EFCAB5: variants seen among roughly 807,000 people sequenced by gnomAD.
EFCAB5 encodes the protein EF-hand calcium-binding domain-containing protein 5.
A neutral mutation model predicts 167.9 loss-of-function variants in EFCAB5; 131 were observed. The observed-to-expected ratio is 0.78, with a 90% CI of 0.68 to 0.90. The LOEUF (loss-of-function observed/expected upper bound fraction) is 0.90. Among genes scored for constraint, EFCAB5 ranks in the 40% least tolerant of loss-of-function variants. The pLI is 0.00. For synonymous variants in EFCAB5, 574 were observed against 602.8 expected (o/e 0.95, Z 0.70); for missense variants, 1,663 against 1,745.2 (o/e 0.95, Z 0.84).
intron 8 of EFCAB5, among the ~76,000 whole-genome samples, chr17:30,039,229 C>A (rs746304007): frequency 2.6e-5 from 4 of 152,134 alleles, no homozygotes; most frequent in African/African-American, 9.7e-5. Context: ...TGCTAACCAC[C>A]AAGTACGGTG....
intron 17 of EFCAB5, among the ~76,000 whole-genome samples, chr17:30,082,617 C>T (rs2071011084): frequency 2.6e-5 from 4 of 152,070 alleles, no homozygotes; most frequent in Non-Finnish European, 4.4e-5. Context: ...TCTCAGACTC[C>T]TGACCTCAAG....
chr17:30,082,033 C>T (rs1215252111), intron 17 of EFCAB5, among the ~76,000 whole-genome samples: 1 of 152,184 alleles, frequency 6.6e-6, no homozygotes, highest in Non-Finnish European at 1.5e-5. Flanking sequence ...AACAGGCCCA[C>T]ATATGGGTTC....
At chr17:30,039,779 A>G (rs1360440851) in intron 8 of EFCAB5, among the ~76,000 whole-genome samples, 4 of 152,334 alleles carry the variant, frequency 2.6e-5, no homozygotes, top group Non-Finnish European at 5.9e-5. Flanking sequence ...ACCCCACTTT[A>G]GAGCGTTTCT....
chr17:30,098,123 TG>T (rs567961993), intron 22 of EFCAB5, among the ~76,000 whole-genome samples: 1 of 151,802 alleles, frequency 6.6e-6, no homozygotes, highest in African/African-American at 2.4e-5. Flanking sequence ...TTTGTAGAGG[TG>T]GGGGTCTCAC....
chr17:30,001,061 TGGA>T (rs2068651562), intron 7 of EFCAB5, among the ~76,000 whole-genome samples: 1 of 152,346 alleles, frequency 6.6e-6, no homozygotes, highest in South Asian at 2.1e-4. Flanking sequence ...CTTGCATTTC[TGGA>T]AACTCCAGTA....
intron 4 of EFCAB5, among the ~76,000 whole-genome samples, chr17:29,990,708 A>G (rs567153626): frequency 6.6e-6 from 1 of 152,192 alleles, no homozygotes; most frequent in Non-Finnish European, 1.5e-5. Flanking sequence ...GCTCAAATGT[A>G]GCTATAATAT....
intron 4 of EFCAB5, among the ~76,000 whole-genome samples, chr17:29,977,294 A>T (rs1044241045): frequency 6.6e-6 from 1 of 152,186 alleles, no homozygotes; most frequent in Non-Finnish European, 1.5e-5. Context: ...ATATGTTAAA[A>T]TTCATAAAAC....
chr17:30,021,798 G>T (rs1335160991), intron 7 of EFCAB5, among the ~76,000 whole-genome samples: 3 of 152,100 alleles, frequency 2.0e-5, no homozygotes, highest in Non-Finnish European at 4.4e-5. Context: ...CAAAGAGATT[G>T]CTTTAAAGCT....
intron 22 of EFCAB5, among the ~76,000 whole-genome samples, chr17:30,099,198 A>C (rs1484624398): frequency 6.6e-6 from 1 of 152,210 alleles, no homozygotes; most frequent in Admixed American, 6.5e-5. Flanking sequence ...TCTATGTTTA[A>C]CTTTTTTTGG....
chr17:30,019,673 T>A (rs778985667), intron 7 of EFCAB5, among the ~76,000 whole-genome samples: 8 of 152,198 alleles, frequency 5.3e-5, no homozygotes, highest in Admixed American at 2.6e-4. Context: ...CTTGAACTCC[T>A]GACCTCAGGT....
intron 6 of EFCAB5, among the ~76,000 whole-genome samples, chr17:29,996,937 A>G (rs1257012389): frequency 4.6e-5 from 7 of 151,916 alleles, no homozygotes; most frequent in African/African-American, 9.7e-5. Flanking sequence ...CTGTTACTAT[A>G]TATACTAGGA....
chr17:29,990,582 T>C (rs1406541575), intron 4 of EFCAB5, among the ~76,000 whole-genome samples: 3 of 152,200 alleles, frequency 2.0e-5, no homozygotes, highest in African/African-American at 7.2e-5. Flanking sequence ...TCATCCCCAC[T>C]GGCAACAAAT....
At chr17:30,001,531 G>A (rs2068660990) in intron 7 of EFCAB5, among the ~76,000 whole-genome samples, 2 of 152,244 alleles carry the variant, frequency 1.3e-5, no homozygotes, top group Admixed American at 6.5e-5. Flanking sequence ...AATGACTAGG[G>A]AGGCTGAGGC....
chr17:29,986,734 C>T (rs1276618414), intron 4 of EFCAB5, among the ~76,000 whole-genome samples: 2 of 148,758 alleles, frequency 1.3e-5, no homozygotes, highest in African/African-American at 5.0e-5. Flanking sequence ...GCAGGCTCCG[C>T]CCCCTGGGGT....
At chr17:30,063,566 A>G (rs541987220) in intron 14 of EFCAB5, among the ~76,000 whole-genome samples, 2 of 152,184 alleles carry the variant, frequency 1.3e-5, no homozygotes, top group Admixed American at 6.5e-5. Context: ...TCCTGTCTCT[A>G]TGGGCAACCT....
chr17:30,054,061 T>G lies in EFCAB5; in HGVS notation c.2107T>G (p.Trp703Gly). 6.3e-7 allele frequency: 1 copy of G among 1,598,758 alleles called. No homozygotes were observed. Among genetic ancestry groups the G allele is most frequent in the Non-Finnish European group, 8.5e-7 (1 of 1,171,766 alleles). Residue 703 changes from tryptophan to glycine, a missense_variant, in exon 10 of 23, where the codon TGG becomes GGG. Physicochemically the swap from Trp to Gly is radical, Grantham distance 184. Transcript: ENST00000394835. Reference sequence around the variant, plus strand: ...AGTCCCTCTACAGGAAAAGAGGTCTTGGGAACAAACATATGAAGAGGAAAT... The same window carrying G: ...AGTCCCTCTACAGGAAAAGAGGTCTGGGGAACAAACATATGAAGAGGAAAT... ...IEVPLQEKRSWEQTYEEEIFL... is the reference protein window; with the variant it reads ...IEVPLQEKRSGEQTYEEEIFL...
At chr17:29,959,566 G>A (rs1469157941) in intron 3 of EFCAB5, among the ~76,000 whole-genome samples, 2 of 151,876 alleles carry the variant, frequency 1.3e-5, no homozygotes, top group African/African-American at 4.8e-5. Context: ...AATCCTACTG[G>A]GTCCTTTCCT....
chr17:30,081,007 G>A (rs373967734), intron 17 of EFCAB5, 26 bp downstream of exon 17: 5 of 1,552,274 alleles, frequency 3.2e-6, no homozygotes, highest in African/African-American at 2.7e-5. Flanking sequence ...CTTCAAGAGC[G>A]ATGGTAGGAT....
chr17:30,103,907 A>T (rs141014656), intron 22 of EFCAB5, among the ~76,000 whole-genome samples: 187 of 152,346 alleles, frequency 1.2e-3, no homozygotes, highest in Non-Finnish European at 2.1e-3. Flanking sequence ...ACTACTCAGG[A>T]GGCTGAGGCA....
Sources: allele counts gnomAD v4.1 joint callset (sites outside exome capture counted in the v4.1 genomes callset), GRCh38; gene constraint gnomAD v4.1.1; transcripts MANE v1.5; gene names NCBI Gene and HGNC (gene_info 2026-07-23, HGNC 2026-07-21).